The following PARD6G variants were observed in gnomAD, a reference collection of about 807,000 sequenced individuals.
The protein encoded by PARD6G is partitioning defective 6 homolog gamma.
PARD6G carries 7 observed loss-of-function variants against 10.7 expected under a neutral mutation model. That is an observed-to-expected ratio of 0.66 (90% CI 0.37 to 1.23). PARD6G has a LOEUF of 1.23. Ranked by LOEUF, PARD6G falls within the 50% of genes most tolerant of loss-of-function variation. The pLI is 0.02. For synonymous variants in PARD6G, 287 were observed against 269.4 expected (o/e 1.07, Z -0.64); for missense variants, 548 against 571.8 (o/e 0.96, Z 0.42).
At position 80,184,580 on chromosome 18, in the gene PARD6G, G is replaced by A. The variant is rs797009348; in HGVS notation, c.295+18130C>T. The A allele has an allele frequency of 1.3e-5, 2 of 151,896 alleles. No individual in the cohort carries two copies. Among genetic ancestry groups the A allele is most frequent in the African/African-American group, 4.8e-5 (2 of 41,406 alleles). 9.4% of individuals were successfully genotyped at this position (151,896 alleles called of 1,614,324 possible). On this transcript the variant is annotated intron_variant, in intron 2 of 2. Coordinates refer to ENST00000353265, the MANE Select transcript of PARD6G (RefSeq NM_032510.4). The surrounding 1 kb of genome is among the most constrained non-coding windows in gnomAD (Gnocchi z 4.5). Reference sequence around the variant, plus strand: ...CAGAGGGAGCAAGGCCGTGAAACCCGCAGCGGGAGCGAGGCGCGGAAACAG... The same window carrying A: ...CAGAGGGAGCAAGGCCGTGAAACCCACAGCGGGAGCGAGGCGCGGAAACAG...
intron 1 of PARD6G, among the ~76,000 whole-genome samples, chr18:80,232,333 T>TCCTGGG (rs1967367107): frequency 6.6e-6 from 1 of 152,032 alleles, no homozygotes; most frequent in Admixed American, 6.6e-5. Context: ...AGGCCTGCAG[T>TCCTGGG]CCTGGGCCTG....
In PARD6G at chr18:80,175,385, C is replaced by T. The variant is rs2052802351; in HGVS notation, c.296-14779G>A. Among the ~76,000 whole-genome samples the T allele has an allele frequency of 2.6e-5, 4 of 152,280 alleles. No homozygotes were observed. The highest frequency in any genetic ancestry group is 4.4e-5 in the Non-Finnish European group (3 of 68,024). ...CAGTTTCTGGGGAGGGCTCTCTTCC[C>T]GGCTTACAGACAGCTGCCTTCTTCC... On this transcript the variant is annotated intron_variant, in intron 2 of 2. Coordinates refer to ENST00000353265, the MANE Select transcript of PARD6G (RefSeq NM_032510.4). This position sits in a 1 kb window ranked among gnomAD's most constrained non-coding sequence, Gnocchi z 6.7.
intron 2 of PARD6G, among the ~76,000 whole-genome samples, chr18:80,164,836 G>A (rs1222662147): frequency 6.6e-6 from 1 of 152,170 alleles, no homozygotes; most frequent in Non-Finnish European, 1.5e-5. Flanking sequence ...ACGGGAGGGG[G>A]TGTAAAACAG....
chr18:80,209,517 G>T (rs1010051608), intron 1 of PARD6G, among the ~76,000 whole-genome samples: 1 of 152,134 alleles, frequency 6.6e-6, no homozygotes, highest in Non-Finnish European at 1.5e-5. Flanking sequence ...AAGCAAAAGC[G>T]TATCAGCATC....
In PARD6G at chr18:80,160,063, G is replaced by A; in HGVS notation, c.839C>T (p.Pro280Leu). 1 of 1,565,120 alleles carries A rather than the reference G, an allele frequency of 6.4e-7. No homozygotes were observed. Among genetic ancestry groups the A allele is most frequent in the Non-Finnish European group, 8.6e-7 (1 of 1,159,352 alleles). Residue 280 changes from proline (P) to leucine (L), a missense_variant, in exon 3 of 3, where the codon CCC becomes CTC. This residue lies in a region of PARD6G where 313 missense variants were observed against 279.9 expected (regional missense o/e 1.12). Coordinates refer to ENST00000353265, the MANE Select transcript of PARD6G (RefSeq NM_032510.4). Reference protein sequence around the residue: ...SDGTAGFVGPPAPRVLQNFHP... With the variant: ...SDGTAGFVGPLAPRVLQNFHP... ...GAAGTTCTGCAGGACGCGCGGGGCG[G>A]GGGGACCCACGAAGCCCGCGGTGCC...
chr18:80,217,578 C>T lies in PARD6G; in HGVS notation c.73-14646G>A, dbSNP rs147611654. Among the ~76,000 whole-genome samples the T allele has an allele frequency of 1.2e-3, 178 of 152,236 alleles. 3 individuals carry two copies. Among genetic ancestry groups the T allele is most frequent in the Non-Finnish European group, 1.7e-3 (115 of 68,002 alleles). ...ACCACTTTACCACTGTCTTCTTCTT[C>T]CCCCAAACCCATAATCCCAGTATAA... On this transcript the variant is annotated intron_variant, in intron 1 of 2. Coordinates refer to ENST00000353265, the MANE Select transcript of PARD6G (RefSeq NM_032510.4).
intron 1 of PARD6G, among the ~76,000 whole-genome samples, chr18:80,216,997 G>A (rs1376631637): frequency 2.0e-5 from 3 of 152,114 alleles, no homozygotes; most frequent in African/African-American, 7.2e-5. Context: ...AGCATGCAAG[G>A]AACCAAGACT....
chr18:80,190,088 G>A (rs552089221), intron 2 of PARD6G, among the ~76,000 whole-genome samples: 3 of 152,164 alleles, frequency 2.0e-5, no homozygotes, highest in East Asian at 1.9e-4. Flanking sequence ...GGGTCTATTC[G>A]TACAACTTAC....
chr18:80,179,378 T>C (rs11665580), intron 2 of PARD6G, among the ~76,000 whole-genome samples: 68,343 of 152,004 alleles, frequency 0.45, 17,944 homozygotes, highest in Non-Finnish European at 0.61. Flanking sequence ...TCACATGCCC[T>C]AGACTGCAGC....
intron 2 of PARD6G, among the ~76,000 whole-genome samples, chr18:80,187,122 A>C (rs899242377): frequency 6.6e-6 from 1 of 151,664 alleles, no homozygotes; most frequent in Non-Finnish European, 1.5e-5. Flanking sequence ...AAGAGAAATC[A>C]AGGAAGAATC....
chr18:80,215,824 A>G (rs1035891511), intron 1 of PARD6G, among the ~76,000 whole-genome samples: 1 of 152,162 alleles, frequency 6.6e-6, no homozygotes, highest in Non-Finnish European at 1.5e-5. Context: ...AGATTGGCAA[A>G]ATGGATTAAA....
chr18:80,234,281 T>C (rs1235029271), intron 1 of PARD6G, among the ~76,000 whole-genome samples: 3 of 152,046 alleles, frequency 2.0e-5, no homozygotes, highest in Non-Finnish European at 4.4e-5. Flanking sequence ...ACCCCAGAGA[T>C]TGATCAGCTG....
chr18:80,234,775 T>A (rs558184111), intron 1 of PARD6G, among the ~76,000 whole-genome samples: 1 of 151,998 alleles, frequency 6.6e-6, no homozygotes, highest in Non-Finnish European at 1.5e-5. Flanking sequence ...CATTACATAA[T>A]GGTAAAGGGA....
chr18:80,166,492 A>G (rs2052737185), intron 2 of PARD6G, among the ~76,000 whole-genome samples: 2 of 149,966 alleles, frequency 1.3e-5, no homozygotes, highest in South Asian at 4.3e-4. Flanking sequence ...TAGAATTTAA[A>G]GGCGTCAAGT....
chr18:80,245,705 T>C (rs558635219), intron 1 of PARD6G, among the ~76,000 whole-genome samples: 8 of 152,148 alleles, frequency 5.3e-5, no homozygotes, highest in Non-Finnish European at 8.8e-5. Context: ...CTGTACTAGA[T>C]AGTGCAGCTC....
intron 2 of PARD6G, chr18:80,169,715 G>A (rs539547191): frequency 6.6e-6 from 1 of 152,280 alleles, no homozygotes; most frequent in African/African-American, 2.4e-5. Context: ...CAGGATCAAT[G>A]ACTCGGTTTT....
At chr18:80,164,094 G>A (rs545524256) in intron 2 of PARD6G, among the ~76,000 whole-genome samples, 24 of 152,268 alleles carry the variant, frequency 1.6e-4, no homozygotes, top group African/African-American at 2.2e-4. Context: ...CTAAAAGGAC[G>A]GAACACGTGT....
intron 2 of PARD6G, among the ~76,000 whole-genome samples, chr18:80,176,491 G>A (rs1033034146): frequency 2.0e-5 from 3 of 151,972 alleles, no homozygotes; most frequent in African/African-American, 7.3e-5. Flanking sequence ...AGGCCCGAGA[G>A]CCACCACACA....
At chr18:80,206,312 A>C (rs933211971) in intron 1 of PARD6G, among the ~76,000 whole-genome samples, 1 of 152,248 alleles carries the variant, frequency 6.6e-6, no homozygotes, top group Non-Finnish European at 1.5e-5. Context: ...CATTGTATTT[A>C]AAAATCATAT....
Sources: allele counts gnomAD v4.1 joint callset (sites outside exome capture counted in the v4.1 genomes callset), GRCh38; gene constraint gnomAD v4.1.1; regional missense constraint gnomAD v4.1.1; non-coding constraint Gnocchi (gnomAD v3.1); transcripts MANE v1.5; gene names NCBI Gene and HGNC (gene_info 2026-07-23, HGNC 2026-07-21).